The following EHBP1 variants were observed in gnomAD, a reference collection of about 807,000 sequenced individuals.
EHBP1 encodes EH domain binding protein 1, also known as EH domain-binding protein 1.
EHBP1 carries 55 observed loss-of-function variants against 144.0 expected under a neutral mutation model. The observed-to-expected ratio is 0.38, with a 90% CI of 0.31 to 0.48. The LOEUF (loss-of-function observed/expected upper bound fraction) is 0.48. EHBP1 is among the 20% of genes least tolerant of loss of function. The probability of loss-of-function intolerance (pLI) is 0.98; values close to 1 mark genes in which losing one functional copy is unlikely to be tolerated. For missense variants in EHBP1, 1,200 were observed against 1,364.2 expected (o/e 0.88, Z 1.90); for synonymous variants, 469 against 472.7 (o/e 0.99, Z 0.10).
chr2:62,891,623 G>A (rs1307393651), intron 10 of EHBP1, among the ~76,000 whole-genome samples: 2 of 152,038 alleles, frequency 1.3e-5, no homozygotes, highest in African/African-American at 2.4e-5. Flanking sequence ...ACTACTGTGG[G>A]ACATGTAAAC....
At chr2:63,025,288 G>A (rs1274061098) in intron 19 of EHBP1, among the ~76,000 whole-genome samples, 1 of 152,122 alleles carries the variant, frequency 6.6e-6, no homozygotes, top group Non-Finnish European at 1.5e-5. Flanking sequence ...TTTAGACAGG[G>A]TTTTGATCTG....
intron 3 of EHBP1, among the ~76,000 whole-genome samples, chr2:62,752,689 A>T (rs1279154625): frequency 1.3e-5 from 2 of 152,094 alleles, no homozygotes; most frequent in Non-Finnish European, 2.9e-5. Context: ...TATATTTAAG[A>T]TAGTTAGCTC....
intron 5 of EHBP1, among the ~76,000 whole-genome samples, chr2:62,797,624 A>G (rs1415242828): frequency 6.6e-6 from 1 of 152,170 alleles, no homozygotes; most frequent in Non-Finnish European, 1.5e-5. Flanking sequence ...TAATAGGCAA[A>G]CTTTTGCCTG....
chr2:62,683,316 G>T (rs751058028), intron 1 of EHBP1, among the ~76,000 whole-genome samples: 25 of 152,286 alleles, frequency 1.6e-4, no homozygotes, highest in Non-Finnish European at 2.4e-4. Context: ...GAATTTCATT[G>T]TCTTGGCTTG....
At chr2:62,695,266 T>A (rs1336310512) in intron 1 of EHBP1, among the ~76,000 whole-genome samples, 1 of 151,772 alleles carries the variant, frequency 6.6e-6, no homozygotes, top group African/African-American at 2.4e-5. Context: ...GAGGCTGAGG[T>A]GGGAGAATCA....
intron 10 of EHBP1, among the ~76,000 whole-genome samples, chr2:62,920,276 C>T (rs2054967609): frequency 6.6e-6 from 1 of 152,110 alleles, no homozygotes; most frequent in Non-Finnish European, 1.5e-5. Context: ...GCAGATTTCT[C>T]ATCAGTAACT....
chr2:62,687,675 C>T (rs1411296918), intron 1 of EHBP1, among the ~76,000 whole-genome samples: 2 of 152,020 alleles, frequency 1.3e-5, no homozygotes, highest in East Asian at 1.9e-4. Context: ...AATCTAAGTA[C>T]GAGAGTCCAG....
chr2:63,020,589 G>C (rs1249191400), intron 19 of EHBP1, among the ~76,000 whole-genome samples: 2 of 151,910 alleles, frequency 1.3e-5, no homozygotes, highest in Non-Finnish European at 2.9e-5. Flanking sequence ...CACAGAACTT[G>C]GCAGAGGATG....
chr2:62,690,230 G>A (rs913559153), intron 1 of EHBP1, among the ~76,000 whole-genome samples: 2 of 152,100 alleles, frequency 1.3e-5, no homozygotes, highest in Admixed American at 6.6e-5. Flanking sequence ...GGATGATGGA[G>A]TATATGTGTC....
intron 14 of EHBP1, among the ~76,000 whole-genome samples, chr2:62,969,825 G>A (rs995553668): frequency 6.6e-6 from 1 of 152,114 alleles, no homozygotes; most frequent in Non-Finnish European, 1.5e-5. Flanking sequence ...AAATGAGCAG[G>A]TGTGGCCATT....
At chr2:62,678,721 A>G (rs2151724235) in intron 1 of EHBP1, among the ~76,000 whole-genome samples, 1 of 152,282 alleles carries the variant, frequency 6.6e-6, no homozygotes, top group African/African-American at 2.4e-5. Flanking sequence ...AATTCAGAAA[A>G]TCCACAAAAG....
intron 2 of EHBP1, among the ~76,000 whole-genome samples, chr2:62,738,692 C>T (rs1385506449): frequency 1.3e-5 from 2 of 152,004 alleles, no homozygotes; most frequent in Admixed American, 6.6e-5. Context: ...TTAAAATAAC[C>T]GTTATTTTAT....
At chr2:62,907,586 A>G (rs1354499701) in intron 10 of EHBP1, among the ~76,000 whole-genome samples, 1 of 152,196 alleles carries the variant, frequency 6.6e-6, no homozygotes, top group African/African-American at 2.4e-5. Context: ...AAAGGAAGCC[A>G]GCATTCTCTG....
At chr2:62,781,429 A>G (rs1160765243) in intron 5 of EHBP1, among the ~76,000 whole-genome samples, 1 of 152,152 alleles carries the variant, frequency 6.6e-6, no homozygotes, top group Admixed American at 6.5e-5. Flanking sequence ...GTAAATGTTT[A>G]TTCATTTTGC....
intron 10 of EHBP1, among the ~76,000 whole-genome samples, chr2:62,924,135 G>A (rs1183695806): frequency 1.3e-5 from 2 of 152,166 alleles, no homozygotes; most frequent in Admixed American, 1.3e-4. Flanking sequence ...TCATGCCTGA[G>A]AAACAGCCCC....
intron 7 of EHBP1, among the ~76,000 whole-genome samples, chr2:62,850,926 T>C (rs1210094222): frequency 6.6e-6 from 1 of 152,136 alleles, no homozygotes; most frequent in East Asian, 1.9e-4. Context: ...CAACTGCCAA[T>C]TGAAGTATTT....
intron 2 of EHBP1, among the ~76,000 whole-genome samples, chr2:62,710,949 G>A (rs2035088660): frequency 6.6e-6 from 1 of 152,292 alleles, no homozygotes. Context: ...AGATACATGA[G>A]CCTTGATGTA....
chr2:62,900,726 TAA>T (rs1357966343), intron 10 of EHBP1, among the ~76,000 whole-genome samples: 1 of 145,970 alleles, frequency 6.9e-6, no homozygotes, highest in African/African-American at 2.8e-5. Context: ...AATTTTATCT[TAA>T]GTTTTGTCTA....
At chr2:62,798,260 C>T (rs1330942179) in intron 5 of EHBP1, among the ~76,000 whole-genome samples, 6 of 151,818 alleles carry the variant, frequency 4.0e-5, no homozygotes, top group Non-Finnish European at 7.4e-5. Flanking sequence ...CCCAACTGCT[C>T]GGGAGGCTGA....
Sources: gnomAD v4.1 joint callset for allele counts (sites outside exome capture counted in the v4.1 genomes callset) on GRCh38, gnomAD v4.1.1 for gene constraint, MANE v1.5 for transcripts, NCBI Gene and HGNC (gene_info 2026-07-23, HGNC 2026-07-21) for gene names.